PCDH9: variants seen among roughly 807,000 people sequenced by gnomAD.
PCDH9 encodes the protein protocadherin 9, also known as protocadherin-9.
A neutral mutation model predicts 70.6 loss-of-function variants in PCDH9; 24 were observed. The observed-to-expected ratio is 0.34, with a 90% CI of 0.25 to 0.48. The LOEUF is 0.48. PCDH9 is among the 20% of genes least tolerant of loss of function. PCDH9 has a pLI of 0.99. For missense variants in PCDH9, 1,281 were observed against 1,503.6 expected, an observed-to-expected ratio of 0.85 and a Z score of 2.45; for synonymous variants, 562 against 558.5, an observed-to-expected ratio of 1.01 and a Z score of -0.09.
At chr13:66,348,637 T>A (rs1360337987) in intron 4 of PCDH9, among the ~76,000 whole-genome samples, 1 of 150,928 alleles carries the variant, frequency 6.6e-6, no homozygotes, top group African/African-American at 2.4e-5. Context: ...TCTAACCTAT[T>A]GCCATATTTC....
chr13:66,558,844 G>GT (rs1355055013), intron 4 of PCDH9, among the ~76,000 whole-genome samples: 2 of 152,122 alleles, frequency 1.3e-5, no homozygotes, highest in Admixed American at 6.5e-5. Flanking sequence ...TATTCCTTAA[G>GT]TCGTTCCTAG....
intron 2 of PCDH9, among the ~76,000 whole-genome samples, chr13:66,928,511 C>T (rs1402102500): frequency 6.6e-6 from 1 of 152,042 alleles, no homozygotes; most frequent in Non-Finnish European, 1.5e-5. Context: ...GTTTGTGTTC[C>T]CCCAAATTCA....
intron 4 of PCDH9, among the ~76,000 whole-genome samples, chr13:66,380,569 A>C (rs1267755209): frequency 1.8e-5 from 2 of 110,566 alleles, no homozygotes; most frequent in African/African-American, 3.4e-5. Flanking sequence ...TTTGAGACAG[A>C]GTCTTGCTCT....
intron 2 of PCDH9, chr13:67,205,152 A>G (rs1441118534): frequency 5.3e-5 from 8 of 152,180 alleles, no homozygotes; most frequent in African/African-American, 1.9e-4. Context: ...CTTTGAGTTC[A>G]TGTCTAAGAA....
At chr13:66,522,087 T>C (rs1343375532) in intron 4 of PCDH9, among the ~76,000 whole-genome samples, 1 of 149,136 alleles carries the variant, frequency 6.7e-6, no homozygotes, top group African/African-American at 2.4e-5. Flanking sequence ...TATACATATA[T>C]TACATAAGGC....
rs1396562978 is a variant in PCDH9 at position 66,924,820 on chromosome 13, G to C, written c.3037-21215C>G. On this transcript the variant is annotated intron_variant, in intron 2 of 4. Transcript: ENST00000377865. ...AATGTTTAGAATTTTGAGTTGGCTG[G>C]TGCAGCTATATTGCTATTTCCATCT... 3.3e-5 allele frequency among the ~76,000 whole-genome samples: 5 copies of C among 151,876 alleles called. No homozygotes were observed. In the East Asian group the frequency reaches 9.7e-4, roughly 29 times the overall value.
chr13:66,505,902 C>T (rs1435211637), intron 4 of PCDH9, among the ~76,000 whole-genome samples: 3 of 152,138 alleles, frequency 2.0e-5, no homozygotes, highest in Non-Finnish European at 4.4e-5. Context: ...CCTCTTCAGC[C>T]TCCCAAGTAG....
intron 2 of PCDH9, among the ~76,000 whole-genome samples, chr13:66,919,278 T>C (rs923132623): frequency 6.6e-6 from 1 of 151,284 alleles, no homozygotes; most frequent in Non-Finnish European, 1.5e-5. Flanking sequence ...TTTTGCTAAA[T>C]ATTTCAGCTG....
chr13:67,074,969 A>G (rs1048750023), intron 2 of PCDH9, among the ~76,000 whole-genome samples: 1 of 152,044 alleles, frequency 6.6e-6, no homozygotes, highest in African/African-American at 2.4e-5. Flanking sequence ...TGCTCTTCCT[A>G]AGTTTAGACA....
chr13:66,747,913 TAGAA>T (rs2139218857), intron 3 of PCDH9, among the ~76,000 whole-genome samples: 1 of 152,290 alleles, frequency 6.6e-6, no homozygotes, highest in South Asian at 2.1e-4. Flanking sequence ...ATGTAGTAAT[TAGAA>T]AGAGACCATT....
At chr13:66,662,753 A>T (rs9540864) in intron 3 of PCDH9, among the ~76,000 whole-genome samples, 31 of 151,992 alleles carry the variant, frequency 2.0e-4, no homozygotes, top group African/African-American at 7.0e-4. Flanking sequence ...TAATAACTCC[A>T]GTTCAAGGGC....
rs1249376108 is a variant in PCDH9 at position 66,631,222 on chromosome 13, C to T, written c.3328G>A (p.Asp1110Asn). 1 of 1,587,008 alleles carries T rather than the reference C, an allele frequency of 6.3e-7. No individual in the cohort carries two copies. Among genetic ancestry groups the T allele is most frequent in the Non-Finnish European group, 8.7e-7 (1 of 1,155,306 alleles). Residue 1110 changes from aspartate to asparagine, a missense_variant, in exon 4 of 5, where the codon GAT becomes AAT. Coordinates refer to ENST00000377865, the MANE Select transcript of PCDH9 (RefSeq NM_203487.3). ...DKRTEADGNS[D>N]PNSDGPLGPR... Reference sequence around the variant, plus strand: ...GAAGGGGACTCACCAGAGTTGGGATCAGAGTTGCCATCTGCTTCAGTCCTC... The same window carrying T: ...GAAGGGGACTCACCAGAGTTGGGATTAGAGTTGCCATCTGCTTCAGTCCTC...
chr13:67,060,228 G>C (rs1194004349), intron 2 of PCDH9, among the ~76,000 whole-genome samples: 1 of 152,070 alleles, frequency 6.6e-6, no homozygotes, highest in Non-Finnish European at 1.5e-5. Flanking sequence ...ATCGTCCATG[G>C]TGAGTATTTC....
At chr13:66,650,328 G>C (rs2077833106) in intron 3 of PCDH9, among the ~76,000 whole-genome samples, 2 of 151,806 alleles carry the variant, frequency 1.3e-5, no homozygotes, top group African/African-American at 4.8e-5. Context: ...GAACAGAGTA[G>C]CAGTATTTGT....
At chr13:66,343,733 G>T (rs1417578151) in intron 4 of PCDH9, among the ~76,000 whole-genome samples, 1 of 152,154 alleles carries the variant, frequency 6.6e-6, no homozygotes, top group Non-Finnish European at 1.5e-5. Flanking sequence ...AATTACATCT[G>T]CAAGGTCTTA....
chr13:66,345,043 T>A (rs931267976), intron 4 of PCDH9, among the ~76,000 whole-genome samples: 1 of 152,200 alleles, frequency 6.6e-6, no homozygotes, highest in Non-Finnish European at 1.5e-5. Context: ...TCTTTCTTAT[T>A]GTACTATAAC....
chr13:67,191,655 G>C lies in PCDH9; in HGVS notation c.3036+33750C>G, dbSNP rs150121015. 4.6e-3 allele frequency among the ~76,000 whole-genome samples: 693 copies of C among 152,064 alleles called. 7 individuals carry two copies. Among genetic ancestry groups the C allele is most frequent in the African/African-American group, 0.016 (662 of 41,492 alleles). On this transcript the variant is annotated intron_variant, in intron 2 of 4. Coordinates refer to ENST00000377865, the MANE Select transcript of PCDH9 (RefSeq NM_203487.3). The stretch of plus-strand genomic sequence containing the variant: ...CAGGTGTTTCTCTAACCACTTTCCT[G>C]CACAAATCTCTGCCCTGGTCAAGCC...
At chr13:66,702,663 C>T (rs541219816) in intron 3 of PCDH9, among the ~76,000 whole-genome samples, 39 of 152,214 alleles carry the variant, frequency 2.6e-4, no homozygotes, top group Non-Finnish European at 4.0e-4. Flanking sequence ...GTAATCACTT[C>T]ATCATGTATA....
chr13:66,867,809 C>G (rs2081602596), intron 3 of PCDH9, among the ~76,000 whole-genome samples: 1 of 151,740 alleles, frequency 6.6e-6, no homozygotes, highest in Non-Finnish European at 1.5e-5. Context: ...GTGTTATGAA[C>G]TTTTTGAAAA....
Sources: allele counts gnomAD v4.1 joint callset (sites outside exome capture counted in the v4.1 genomes callset), GRCh38; gene constraint gnomAD v4.1.1; transcripts MANE v1.5; gene names NCBI Gene and HGNC (gene_info 2026-07-23, HGNC 2026-07-21).